Variants in STPG2 observed in about 807,000 individuals in gnomAD.
STPG2 encodes the protein sperm tail PG-rich repeat containing 2, also known as sperm-tail PG-rich repeat-containing protein 2.
In STPG2, 56 loss-of-function variants were observed where a neutral mutation model predicts 54.2. The observed-to-expected ratio is 1.03, with a 90% CI of 0.83 to 1.29. The LOEUF (loss-of-function observed/expected upper bound fraction) is 1.29. Among genes scored for constraint, STPG2 ranks in the 50% most tolerant of loss-of-function variants. The probability of loss-of-function intolerance (pLI) is 0.00; values close to 1 mark genes in which losing one functional copy is unlikely to be tolerated. For missense variants in STPG2, 596 were observed against 544.9 expected (o/e 1.09, Z -0.93); for synonymous variants, 200 against 181.8 (o/e 1.10, Z -0.81).
rs540270437 is a variant in STPG2, at chr4:98,001,809, T to G, written c.613-20491A>C. Among the ~76,000 whole-genome samples, 7 of 152,274 alleles carry G rather than the reference T, an allele frequency of 4.6e-5. No homozygotes were observed. In the East Asian group the frequency reaches 1.4e-3, roughly 29 times the overall value. ...GTCAAACTGGAAGTCTGGATTTGTA[T>G]GTGAAATTTCACAAGTTACAAACAT... On this transcript the variant is annotated intron_variant, in intron 5 of 10. Transcript: ENST00000295268.
rs372269092 is a variant in STPG2 at position 97,711,529 on chromosome 4, C to A, written c.1320+1170G>T. 4.6e-5 allele frequency among the ~76,000 whole-genome samples: 7 copies of A among 152,218 alleles called. No homozygotes were observed. The East Asian group carries it at 1.4e-3, about 29-fold the overall frequency. Reference sequence around the variant, plus strand: ...AAATTAGCTTTGCTTAACCAGCAGGCATTAGTCTTTGTCTTTTGGAGGAAT... The same window carrying A: ...AAATTAGCTTTGCTTAACCAGCAGGAATTAGTCTTTGTCTTTTGGAGGAAT... On this transcript the variant is annotated intron_variant, in intron 10 of 10. Coordinates refer to ENST00000295268, the MANE Select transcript of STPG2 (RefSeq NM_174952.3).
chr4:98,119,325 TATAC>T (rs1486287243), intron 3 of STPG2, among the ~76,000 whole-genome samples: 1 of 152,010 alleles, frequency 6.6e-6, no homozygotes, highest in Non-Finnish European at 1.5e-5. Flanking sequence ...ATTCATAATA[TATAC>T]AAACCCATAA....
chr4:97,684,894 T>C (rs1424200253), intron 10 of STPG2, among the ~76,000 whole-genome samples: 2 of 151,914 alleles, frequency 1.3e-5, no homozygotes, highest in Non-Finnish European at 2.9e-5. Flanking sequence ...TTTTTAAAAA[T>C]TATAAAATAG....
intron 10 of STPG2, among the ~76,000 whole-genome samples, chr4:97,565,371 T>C (rs114560727): frequency 6.6e-6 from 1 of 151,926 alleles, no homozygotes; most frequent in East Asian, 1.9e-4. Flanking sequence ...TCTTTTCCCT[T>C]GGTTTGAATT....
intron 10 of STPG2, among the ~76,000 whole-genome samples, chr4:97,600,206 G>C (rs550539306): frequency 6.6e-6 from 1 of 152,104 alleles, no homozygotes; most frequent in South Asian, 2.1e-4. Flanking sequence ...ATTTATCTAT[G>C]CAAAAATCTG....
intron 9 of STPG2, among the ~76,000 whole-genome samples, chr4:97,833,836 T>C (rs1038778392): frequency 6.6e-6 from 1 of 151,956 alleles, no homozygotes; most frequent in African/African-American, 2.4e-5. Flanking sequence ...GTTAGAATGG[T>C]GATGATTAAA....
chr4:97,949,861 TTG>T (rs776812263), intron 7 of STPG2, among the ~76,000 whole-genome samples: 2 of 147,714 alleles, frequency 1.4e-5, no homozygotes, highest in Non-Finnish European at 3.0e-5. Context: ...CTATATGCCT[TTG>T]TGTTTTGTTT....
intron 4 of STPG2, among the ~76,000 whole-genome samples, chr4:97,491,550 T>G (rs1730503847): frequency 6.6e-6 from 1 of 151,440 alleles, no homozygotes. Flanking sequence ...AAGCATCAGC[T>G]GAATCTCTGA....
intron 3 of STPG2, among the ~76,000 whole-genome samples, chr4:98,111,401 G>A (rs1739344588): frequency 6.6e-6 from 1 of 152,120 alleles, no homozygotes; most frequent in Non-Finnish European, 1.5e-5. Context: ...ATTGGCAGAT[G>A]TAGTTGAAAC....
chr4:97,954,568 C>T (rs929925485), intron 7 of STPG2, among the ~76,000 whole-genome samples: 1 of 152,116 alleles, frequency 6.6e-6, no homozygotes, highest in Non-Finnish European at 1.5e-5. Context: ...AAGTTAAGAA[C>T]CTGATAGAAG....
chr4:97,695,037 A>G lies in STPG2; in HGVS notation c.1320+17662T>C, dbSNP rs550176798. Among the ~76,000 whole-genome samples, 149 of 151,528 alleles carry G rather than the reference A, an allele frequency of 9.8e-4. 1 individual carries two copies. Among genetic ancestry groups the G allele is most frequent in the Middle Eastern group, 3.4e-3 (1 of 292 alleles). On this transcript the variant is annotated intron_variant, in intron 10 of 10. Coordinates refer to ENST00000295268, the MANE Select transcript of STPG2 (RefSeq NM_174952.3). Reference sequence around the variant, plus strand: ...AAAACCATGAAAGGACATAACAAAAAGAGAAAACTATAGACCAATGTCCCT... The same window carrying G: ...AAAACCATGAAAGGACATAACAAAAGGAGAAAACTATAGACCAATGTCCCT...
intron 10 of STPG2, among the ~76,000 whole-genome samples, chr4:97,689,106 T>C (rs1420055412): frequency 6.6e-6 from 1 of 152,148 alleles, no homozygotes; most frequent in Non-Finnish European, 1.5e-5. Context: ...GAGGTGGTTT[T>C]ACTTGTCTAG....
intron 7 of STPG2, among the ~76,000 whole-genome samples, chr4:97,961,362 CTTAA>C (rs1733884866): frequency 6.6e-6 from 1 of 152,082 alleles, no homozygotes; most frequent in African/African-American, 2.4e-5. Flanking sequence ...ATAGCTGGGA[CTTAA>C]TTAAACTGAA....
chr4:97,496,800 T>C (rs967734573), intron 4 of STPG2, among the ~76,000 whole-genome samples: 3 of 151,758 alleles, frequency 2.0e-5, no homozygotes, highest in Non-Finnish European at 4.4e-5. Flanking sequence ...TGCTTTGACT[T>C]TGCTGAAAGG....
chr4:97,783,113 T>A (rs922719916), intron 9 of STPG2, among the ~76,000 whole-genome samples: 1 of 152,112 alleles, frequency 6.6e-6, no homozygotes, highest in African/African-American at 2.4e-5. Flanking sequence ...TTCTGCACAG[T>A]GAAAGAAACT....
intron 5 of STPG2, among the ~76,000 whole-genome samples, chr4:98,088,895 A>C (rs1738604285): frequency 1.3e-5 from 2 of 152,092 alleles, no homozygotes; most frequent in South Asian, 4.1e-4. Context: ...AAAGTAACCA[A>C]TAATATCGAA....
intron 5 of STPG2, among the ~76,000 whole-genome samples, chr4:98,045,360 C>T (rs1737092944): frequency 6.6e-6 from 1 of 152,100 alleles, no homozygotes; most frequent in African/African-American, 2.4e-5. Flanking sequence ...AGACAAACAC[C>T]AAAATATCCA....
intron 10 of STPG2, among the ~76,000 whole-genome samples, chr4:97,623,999 T>C (rs1467020409): frequency 2.0e-5 from 3 of 152,216 alleles, no homozygotes; most frequent in Non-Finnish European, 4.4e-5. Flanking sequence ...TAGTATTCCA[T>C]GGTATATATG....
At chr4:97,480,844 AT>A (rs908416103) in intron 4 of STPG2, among the ~76,000 whole-genome samples, 25 of 151,358 alleles carry the variant, frequency 1.7e-4, no homozygotes, top group South Asian at 4.2e-4. Context: ...TTTTTAAAAC[AT>A]TTTTTTTCCC....
Sources: allele counts gnomAD v4.1 joint callset (sites outside exome capture counted in the v4.1 genomes callset), GRCh38; gene constraint gnomAD v4.1.1; transcripts MANE v1.5; gene names NCBI Gene and HGNC (gene_info 2026-07-23, HGNC 2026-07-21).